Variants in EFHB observed in about 807,000 individuals in gnomAD.
The protein encoded by EFHB is EF-hand domain-containing family member B.
A neutral mutation model predicts 87.2 loss-of-function variants in EFHB; 91 were observed. That is an observed-to-expected ratio of 1.04 (90% confidence interval 0.88 to 1.24). The LOEUF (loss-of-function observed/expected upper bound fraction) is 1.24, where lower values mean the gene tolerates loss of function less well. Ranked by LOEUF, EFHB falls within the 50% of genes most tolerant of loss-of-function variation. EFHB has a pLI of 0.00. For synonymous variants in EFHB, 325 were observed against 333.6 expected, an observed-to-expected ratio of 0.97 and a Z score of 0.28; for missense variants, 1,084 against 998.8, an observed-to-expected ratio of 1.09 and a Z score of -1.15.
At chr3:19,940,819 G>C (rs955928067) in intron 1 of EFHB, 3 of 383,450 alleles carry the variant, frequency 7.8e-6, no homozygotes, top group Admixed American at 6.4e-5. Flanking sequence ...TTGCCAAGCA[G>C]GTTGCTATCC....
chr3:19,886,445 A>G (rs1158411171), intron 10 of EFHB, among the ~76,000 whole-genome samples: 1 of 152,150 alleles, frequency 6.6e-6, no homozygotes, highest in East Asian at 1.9e-4. Flanking sequence ...AATAATTAAG[A>G]TACAAAAATT....
intron 5 of EFHB, among the ~76,000 whole-genome samples, chr3:19,908,432 C>T (rs979197130): frequency 7.9e-5 from 12 of 151,856 alleles, no homozygotes; most frequent in African/African-American, 2.9e-4. Flanking sequence ...ACTTGGGAGG[C>T]TGAGGCAGGA....
At chr3:19,926,694 T>C (rs1212652010) in intron 1 of EFHB, among the ~76,000 whole-genome samples, 1 of 134,126 alleles carries the variant, frequency 7.5e-6, no homozygotes, top group East Asian at 2.1e-4. Flanking sequence ...ACAGTTTCAC[T>C]CTTTTGCCCA....
chr3:19,900,090 T>TA (rs1694620387), intron 6 of EFHB, among the ~76,000 whole-genome samples: 1 of 151,458 alleles, frequency 6.6e-6, no homozygotes, highest in Admixed American at 6.6e-5. Context: ...TAAAATAAAG[T>TA]AAGTGTAACT....
chr3:19,914,234 T>A (rs961747050), intron 5 of EFHB, among the ~76,000 whole-genome samples: 9 of 152,178 alleles, frequency 5.9e-5, no homozygotes, highest in African/African-American at 2.2e-4. Flanking sequence ...CAGACCAAAG[T>A]TCTTTTAAAA....
chr3:19,932,899 T>C (rs1695876863), intron 1 of EFHB, among the ~76,000 whole-genome samples: 1 of 152,180 alleles, frequency 6.6e-6, no homozygotes, highest in African/African-American at 2.4e-5. Flanking sequence ...TTTCCATTCA[T>C]AGTATGAATA....
chr3:19,921,614 T>G (rs1196385772), intron 1 of EFHB, among the ~76,000 whole-genome samples: 3 of 151,900 alleles, frequency 2.0e-5, no homozygotes, highest in African/African-American at 7.3e-5. Flanking sequence ...AATAAGACAG[T>G]AAGAAGCAGC....
At chr3:19,905,157 G>A (rs781057184) in intron 6 of EFHB, among the ~76,000 whole-genome samples, 4 of 152,150 alleles carry the variant, frequency 2.6e-5, no homozygotes, top group Non-Finnish European at 5.9e-5. Flanking sequence ...TCAGAAGGCT[G>A]AGGTGGATAG....
At chr3:19,883,690 GC>G (rs1400731705) in intron 11 of EFHB, among the ~76,000 whole-genome samples, 2 of 152,082 alleles carry the variant, frequency 1.3e-5, no homozygotes, top group Non-Finnish European at 2.9e-5. Flanking sequence ...AGTATGGTGG[GC>G]CCCTAACCTA....
intron 1 of EFHB, among the ~76,000 whole-genome samples, chr3:19,925,421 C>A (rs1270143556): frequency 6.6e-6 from 1 of 152,034 alleles, no homozygotes. Flanking sequence ...CACAATCCAA[C>A]ACAACAGGAT....
chr3:19,888,672 G>T, intron 9 of EFHB, 21 bp from the exon 10 acceptor site: 2 of 1,581,928 alleles, frequency 1.3e-6, no homozygotes, highest in South Asian at 1.2e-5. Context: ...GGAAGCAAAA[G>T]AACATAAAAT....
rs763495953 is a variant in EFHB at position 19,899,482 on chromosome 3, T to G, written c.1452A>C (p.Ala484=). ...KRGAKFVSKR[A]DDFKEKFQHK... is the part of the protein sequence containing the mutation. Reference sequence around the variant, plus strand: ...GTTGAAACTTTTCTTTGAAATCATCTGCTCTTTTGGATACAAACTTAGCTC... The same window carrying G: ...GTTGAAACTTTTCTTTGAAATCATCGGCTCTTTTGGATACAAACTTAGCTC... Residue 484 remains alanine (A), a synonymous_variant, in exon 7 of 13, where the codon GCA becomes GCC. Transcript: ENST00000295824. The G allele has an allele frequency of 6.8e-6, 11 of 1,607,870 alleles. No individual in the cohort carries two copies. The Admixed American group carries it at 1.5e-4, about 22-fold the overall frequency.
At chr3:19,904,196 A>C (rs1192933445) in intron 6 of EFHB, among the ~76,000 whole-genome samples, 1 of 152,210 alleles carries the variant, frequency 6.6e-6, no homozygotes, top group Non-Finnish European at 1.5e-5. Flanking sequence ...ATTGACAAAT[A>C]TGAATGCGAG....
intron 5 of EFHB, 134 bp from the exon 6 acceptor site, chr3:19,905,883 G>C: frequency 9.0e-7 from 1 of 1,117,112 alleles, no homozygotes; most frequent in Non-Finnish European, 1.2e-6. Flanking sequence ...TGCAGAAACT[G>C]CACAGATTTA....
chr3:19,915,927 G>A (rs1575029241), intron 4 of EFHB, among the ~76,000 whole-genome samples: 1 of 151,986 alleles, frequency 6.6e-6, no homozygotes, highest in South Asian at 2.1e-4. Flanking sequence ...GCAGTGAGCC[G>A]AGATGGCACC....
At chr3:19,904,033 G>A (rs950646620) in intron 6 of EFHB, among the ~76,000 whole-genome samples, 7 of 152,324 alleles carry the variant, frequency 4.6e-5, no homozygotes, top group Admixed American at 3.3e-4. Flanking sequence ...ATAACTGAGA[G>A]CTGTTATTGT....
chr3:19,939,998 C>G (rs902044530), intron 1 of EFHB, among the ~76,000 whole-genome samples: 7 of 152,220 alleles, frequency 4.6e-5, no homozygotes, highest in African/African-American at 1.7e-4. Flanking sequence ...CATCTTCCGA[C>G]ATCTCTCAAA....
chr3:19,943,351 G>C (rs915532254), intron 1 of EFHB: 2 of 170,570 alleles, frequency 1.2e-5, no homozygotes, highest in African/African-American at 4.8e-5. Context: ...GGATTCTGAA[G>C]AAAGACATAG....
At chr3:19,887,176 T>C (rs1004138529) in intron 10 of EFHB, among the ~76,000 whole-genome samples, 3 of 151,850 alleles carry the variant, frequency 2.0e-5, no homozygotes, top group Non-Finnish European at 4.4e-5. Context: ...AGGCCAGGAG[T>C]TCGAGACCAG....
Sources: allele counts gnomAD v4.1 joint callset (sites outside exome capture counted in the v4.1 genomes callset), GRCh38; gene constraint gnomAD v4.1.1; transcripts MANE v1.5; gene names NCBI Gene and HGNC (gene_info 2026-07-23, HGNC 2026-07-21).